GRK4: variants seen among roughly 807,000 people sequenced by gnomAD.
GRK4 encodes G protein-coupled receptor kinase 4, also known as G protein-coupled receptor kinase 2-like.
A neutral mutation model predicts 77.9 loss-of-function variants in GRK4; 73 were observed. That is an observed-to-expected ratio of 0.94 (90% confidence interval 0.78 to 1.14). The LOEUF is 1.14. Among genes scored for constraint, GRK4 ranks in the 50% most tolerant of loss-of-function variants. The pLI is 0.00. For synonymous variants in GRK4, 257 were observed against 254.4 expected (o/e 1.01, Z -0.10); for missense variants, 729 against 700.2 (o/e 1.04, Z -0.46).
rs1489625938 is a variant in GRK4 at position 2,964,100 on chromosome 4, G to A, written c.30G>A (p.Ser10=). 4 of 1,607,546 alleles carry A rather than the reference G, an allele frequency of 2.5e-6. No homozygotes were observed. Among genetic ancestry groups the A allele is most frequent in the African/African-American group, 2.7e-5 (2 of 74,854 alleles). ...AGCTCGAGAACATCGTGGCCAACTC[G>A]CTGCTGCTGAAAGCGCGTCAAGGTG... MELENIVAN[S]LLLKARQGGY... is the part of the protein sequence containing the mutation. The change falls in exon 1 of 16, where the codon TCG becomes TCA. Residue 10 remains serine, a synonymous_variant. Transcript: ENST00000398052.
rs1245280653 is a variant in GRK4 at position 3,029,270 on chromosome 4, A to C, written c.1130A>C (p.Tyr377Ser). ...TGGTGGGGACTTGGCTGTCTGATCT[A>C]TGAAATGATTCAGGGACATTCTCCA... ...PDWWGLGCLI[Y>S]EMIQGHSPFK... The change falls in exon 12 of 16, where the codon TAT becomes TCT. Residue 377 changes from tyrosine (Y) to serine (S), a missense_variant. Physicochemically the swap from Tyr to Ser is moderately radical, Grantham distance 144. Coordinates refer to ENST00000398052, the MANE Select transcript of GRK4 (RefSeq NM_182982.3). The C allele has an allele frequency of 6.2e-7, 1 of 1,614,194 alleles. No individual in the cohort carries two copies. Among genetic ancestry groups the C allele is most frequent in the Non-Finnish European group, 8.5e-7 (1 of 1,179,988 alleles).
At chr4:3,001,087 A>G (rs897392849) in intron 4 of GRK4, among the ~76,000 whole-genome samples, 2 of 82,052 alleles carry the variant, frequency 2.4e-5, no homozygotes, top group Admixed American at 1.0e-4. Flanking sequence ...ATATATATAT[A>G]TATGTGTGTG....
chr4:3,031,041 T>C (rs1465488830), intron 12 of GRK4, among the ~76,000 whole-genome samples: 1 of 152,014 alleles, frequency 6.6e-6, no homozygotes, highest in African/African-American at 2.4e-5. Context: ...CGCTGTCAGA[T>C]TCAGGATGGA....
In GRK4 at chr4:3,004,343, T is replaced by A. The variant is rs1730686476; in HGVS notation, c.443+9T>A. 6.5e-7 allele frequency: 1 copy of A among 1,535,810 alleles called. No homozygotes were observed. ...TTTGAGGAATGTACTAGGTAAGTGG[T>A]TCATGCTGAGCCCTGCATATATTAT... is the stretch of plus-strand genomic sequence containing the variant. On this transcript the variant is annotated intron_variant, in intron 5 of 15. Coordinates refer to ENST00000398052, the MANE Select transcript of GRK4 (RefSeq NM_182982.3).
At position 3,009,724 on chromosome 4, in the gene GRK4, A is replaced by C. The variant is rs773302394; in HGVS notation, c.600+13A>C. 4 of 1,608,772 alleles carry C rather than the reference A, an allele frequency of 2.5e-6. No homozygotes were observed. In the South Asian group the frequency reaches 4.4e-5, roughly 18 times the overall value. ...CGGATTTGGAGAGGTGAGTAACGGG[A>C]GCCAGTTCATAGCAGCGCTGCTAGC... is the stretch of plus-strand genomic sequence containing the variant. On this transcript the variant is annotated intron_variant, in intron 7 of 15. Coordinates refer to ENST00000398052, the MANE Select transcript of GRK4 (RefSeq NM_182982.3).
chr4:3,025,980 C>A (rs1234306984), intron 10 of GRK4, among the ~76,000 whole-genome samples: 2 of 152,222 alleles, frequency 1.3e-5, no homozygotes, highest in Non-Finnish European at 2.9e-5. Context: ...GGACGGCTTC[C>A]GTCCGTCTGC....
At chr4:2,974,900 G>T (rs1256624802) in intron 1 of GRK4, among the ~76,000 whole-genome samples, 1 of 152,224 alleles carries the variant, frequency 6.6e-6, no homozygotes, top group African/African-American at 2.4e-5. Context: ...TAATGGGAGT[G>T]CGTCTTGAGT....
At chr4:2,978,300 A>AGTTTT (rs1721799598) in intron 1 of GRK4, among the ~76,000 whole-genome samples, 2 of 152,238 alleles carry the variant, frequency 1.3e-5, no homozygotes, top group Non-Finnish European at 2.9e-5. Flanking sequence ...AGAATCTTTT[A>AGTTTT]AAAACTTGGT....
intron 4 of GRK4, among the ~76,000 whole-genome samples, chr4:2,993,859 C>G (rs1430130513): frequency 6.6e-6 from 1 of 152,098 alleles, no homozygotes; most frequent in Non-Finnish European, 1.5e-5. Flanking sequence ...AACCAGGAAT[C>G]GAACATGTGG....
intron 1 of GRK4, among the ~76,000 whole-genome samples, chr4:2,976,348 C>G (rs1487437815): frequency 6.6e-6 from 1 of 152,020 alleles, no homozygotes; most frequent in Non-Finnish European, 1.5e-5. Context: ...CCTCCCACCT[C>G]AGCCTCCTGA....
rs1336872610 is a variant in GRK4, at chr4:3,007,859, C to T, written c.536+31C>T. 5 of 1,466,088 alleles carry T rather than the reference C, an allele frequency of 3.4e-6. No individual in the cohort carries two copies. The African/African-American group carries it at 5.6e-5, about 16-fold the overall frequency. The allele number at this position is 1,466,088 out of a possible 1,614,324, so 90.8% of individuals were successfully genotyped here. ...TACTGATTTTAAACTTGATAAAAGC[C>T]AATTGAGGTGGCACATGCCTGTAGT... On this transcript the variant is annotated intron_variant, in intron 6 of 15. Transcript: ENST00000398052.
intron 5 of GRK4, among the ~76,000 whole-genome samples, chr4:3,007,151 A>G (rs986602443): frequency 1.3e-5 from 2 of 152,128 alleles, no homozygotes; most frequent in African/African-American, 4.8e-5. Context: ...GCATTGAGCC[A>G]TGATTGTGCC....
chr4:2,964,946 A>C (rs1717055463), intron 1 of GRK4, among the ~76,000 whole-genome samples: 1 of 149,756 alleles, frequency 6.7e-6, no homozygotes, highest in South Asian at 2.1e-4. Flanking sequence ...GGGGTGAAGA[A>C]AAAAAAAAAA....
rs200488923 is a variant in GRK4 at position 3,020,215 on chromosome 4, A to AG, written c.932+386dup. 8.9e-3 allele frequency among the ~76,000 whole-genome samples: 1,350 copies of AG among 152,256 alleles called. 24 individuals carry two copies. The highest frequency in any genetic ancestry group is 0.031 in the African/African-American group (1,278 of 41,536). On this transcript the variant is annotated intron_variant, in intron 9 of 15. Coordinates refer to ENST00000398052, the MANE Select transcript of GRK4 (RefSeq NM_182982.3). ...AGATGGGGGTCTCACCATGTTGGCCAGGCTGGTCTCGATCTCCTGACCTCA... is the reference window on the plus strand; with the variant it reads ...AGATGGGGGTCTCACCATGTTGGCCAGGGCTGGTCTCGATCTCCTGACCTCA...
chr4:3,025,647 C>T (rs907201291), intron 10 of GRK4, among the ~76,000 whole-genome samples: 7 of 151,974 alleles, frequency 4.6e-5, no homozygotes, highest in Non-Finnish European at 1.0e-4. Context: ...CCGCCTCGGC[C>T]TCCCAAAGTG....
At chr4:2,990,531 A>G (rs931910888) in intron 3 of GRK4, among the ~76,000 whole-genome samples, 2 of 152,156 alleles carry the variant, frequency 1.3e-5, no homozygotes, top group African/African-American at 2.4e-5. Context: ...TGCTAGGATT[A>G]CAGGCATCAG....
At chr4:3,032,856 C>A (rs1271637908) in intron 12 of GRK4, among the ~76,000 whole-genome samples, 3 of 152,222 alleles carry the variant, frequency 2.0e-5, no homozygotes, top group Non-Finnish European at 4.4e-5. Context: ...CGACGTCACA[C>A]AGCAACTGCT....
At chr4:3,030,722 G>A (rs1160019310) in intron 12 of GRK4, among the ~76,000 whole-genome samples, 1 of 151,992 alleles carries the variant, frequency 6.6e-6, no homozygotes, top group African/African-American at 2.4e-5. Context: ...GCAGGCTGCT[G>A]GCAAGAGCAG....
chr4:2,965,470 G>C (rs1057397490), intron 1 of GRK4: 7 of 702,860 alleles, frequency 1.0e-5, no homozygotes, highest in African/African-American at 8.7e-5. Flanking sequence ...TTGCGTGATG[G>C]AGCAGCTCTG....
Sources: gnomAD v4.1 joint callset for allele counts (sites outside exome capture counted in the v4.1 genomes callset) on GRCh38, gnomAD v4.1.1 for gene constraint, MANE v1.5 for transcripts, NCBI Gene and HGNC (gene_info 2026-07-23, HGNC 2026-07-21) for gene names.